The following ARNT2 variants were observed in gnomAD, a reference collection of about 807,000 sequenced individuals.
The protein encoded by ARNT2 is aryl hydrocarbon receptor nuclear translocator 2, also known as ARNT protein 2.
Under a neutral mutation model 91.7 loss-of-function variants are expected in ARNT2, and 36 were observed. The observed-to-expected ratio is 0.39, with a 90% CI of 0.30 to 0.52. ARNT2 has a LOEUF of 0.52. Among genes scored for constraint, ARNT2 ranks in the 20% least tolerant of loss-of-function variants. The probability of loss-of-function intolerance (pLI) is 0.72; values close to 1 mark genes in which losing one functional copy is unlikely to be tolerated. For missense variants in ARNT2, 775 were observed against 939.3 expected (o/e 0.83, Z 2.29); for synonymous variants, 365 against 347.1 (o/e 1.05, Z -0.57).
At chr15:80,411,904 C>G (rs989754304) in intron 1 of ARNT2, among the ~76,000 whole-genome samples, 1 of 152,206 alleles carries the variant, frequency 6.6e-6, no homozygotes, top group Admixed American at 6.5e-5. Context: ...AGGGTCTTCT[C>G]AGAAGGGAAG....
intron 1 of ARNT2, among the ~76,000 whole-genome samples, chr15:80,448,542 C>T (rs1000122301): frequency 3.3e-5 from 5 of 152,186 alleles, no homozygotes; most frequent in Non-Finnish European, 7.3e-5. Context: ...CCAAAACTAT[C>T]GGCATTTTTG....
intron 15 of ARNT2, among the ~76,000 whole-genome samples, chr15:80,577,985 G>T (rs192399505): frequency 6.6e-6 from 1 of 152,308 alleles, no homozygotes; most frequent in African/African-American, 2.4e-5. Context: ...ATCACCGCAG[G>T]TCACGCTGCT....
chr15:80,584,164 G>T (rs1183431222), intron 17 of ARNT2, among the ~76,000 whole-genome samples: 1 of 152,188 alleles, frequency 6.6e-6, no homozygotes, highest in Non-Finnish European at 1.5e-5. Context: ...GGGAGACCTC[G>T]AGGCGAGGGG....
intron 8 of ARNT2, among the ~76,000 whole-genome samples, chr15:80,548,304 A>T (rs547350675): frequency 6.6e-6 from 1 of 152,204 alleles, no homozygotes. Context: ...GTGTGCGTGC[A>T]TGTTATATCT....
intron 12 of ARNT2, among the ~76,000 whole-genome samples, chr15:80,569,672 G>T (rs1293487906): frequency 6.6e-6 from 1 of 152,240 alleles, no homozygotes; most frequent in Admixed American, 6.5e-5. Context: ...AGTGAAAGGA[G>T]CTTTTTCTGG....
chr15:80,490,181 G>C (rs1043056611), intron 5 of ARNT2, among the ~76,000 whole-genome samples: 2 of 152,188 alleles, frequency 1.3e-5, no homozygotes, highest in African/African-American at 2.4e-5. Flanking sequence ...TGATTCTGGG[G>C]AGTCTAGCTT....
chr15:80,470,079 A>C, intron 3 of ARNT2, 139 bp from the exon 4 acceptor site: 1 of 867,408 alleles, frequency 1.2e-6, no homozygotes, highest in Non-Finnish European at 1.8e-6. Context: ...CCCAATAGTC[A>C]TTCAAAGCAC....
At chr15:80,414,721 T>C (rs1287156210) in intron 1 of ARNT2, among the ~76,000 whole-genome samples, 1 of 151,806 alleles carries the variant, frequency 6.6e-6, no homozygotes, top group African/African-American at 2.4e-5. Flanking sequence ...CCCCAAAGAA[T>C]AAAATGAATG....
chr15:80,554,150 T>C (rs997873210), intron 10 of ARNT2, among the ~76,000 whole-genome samples: 2 of 152,256 alleles, frequency 1.3e-5, no homozygotes, highest in Non-Finnish European at 2.9e-5. Context: ...GGCTCATGCC[T>C]GTAATTCTAG....
At chr15:80,560,216 T>C (rs1359217594) in intron 11 of ARNT2, 3 of 152,430 alleles carry the variant, frequency 2.0e-5, no homozygotes, top group Non-Finnish European at 4.4e-5. Flanking sequence ...TATCTACACA[T>C]TGATCCTTCA....
chr15:80,475,148 C>G lies in ARNT2; in HGVS notation c.547C>G (p.Leu183Val). Reference sequence around the variant, plus strand: ...CCAGTCAGAGTGGTTTGGGAGCACACTGTATGAACAGGTGCATCCTGATGA... The same window carrying G: ...CCAGTCAGAGTGGTTTGGGAGCACAGTGTATGAACAGGTGCATCCTGATGA... The part of the protein sequence containing the change: ...QPQSEWFGST[L>V]YEQVHPDDVE... The change falls in exon 5 of 19, where the codon CTG becomes GTG. Residue 183 changes from leucine to valine, a missense_variant. Coordinates refer to ENST00000303329, the MANE Select transcript of ARNT2 (RefSeq NM_014862.4). 1.2e-6 allele frequency: 2 copies of G among 1,614,204 alleles called. No homozygotes were observed. The highest frequency in any genetic ancestry group is 1.3e-5 in the African/African-American group (1 of 75,056).
At chr15:80,580,115 AG>A (rs763990532) in intron 15 of ARNT2, 2 of 312,084 alleles carry the variant, frequency 6.4e-6, no homozygotes, top group East Asian at 1.1e-4. Context: ...GAGGATGTAC[AG>A]GCATAGGATA....
At chr15:80,583,852 A>C (rs776819005) in intron 17 of ARNT2, among the ~76,000 whole-genome samples, 8 of 152,224 alleles carry the variant, frequency 5.3e-5, no homozygotes, top group Non-Finnish European at 1.2e-4. Flanking sequence ...GGGACCTCAG[A>C]ATTAAGCAGG....
chr15:80,500,340 G>A (rs1376570640), intron 5 of ARNT2, among the ~76,000 whole-genome samples: 1 of 152,108 alleles, frequency 6.6e-6, no homozygotes, highest in African/African-American at 2.4e-5. Flanking sequence ...GTCCTTCATG[G>A]GGCCATCGTT....
At chr15:80,536,508 T>G (rs1897826066) in intron 8 of ARNT2, among the ~76,000 whole-genome samples, 2 of 152,174 alleles carry the variant, frequency 1.3e-5, no homozygotes, top group African/African-American at 4.8e-5. Context: ...AGGTACCCTT[T>G]TCGTATTGAC....
intron 6 of ARNT2, among the ~76,000 whole-genome samples, chr15:80,512,895 A>G (rs1428016110): frequency 6.6e-6 from 1 of 152,186 alleles, no homozygotes; most frequent in Admixed American, 6.5e-5. Flanking sequence ...CAGTGCTGCC[A>G]TCTACTGAGA....
intron 11 of ARNT2, among the ~76,000 whole-genome samples, chr15:80,560,853 T>G (rs1030305230): frequency 6.6e-6 from 1 of 152,168 alleles, no homozygotes; most frequent in African/African-American, 2.4e-5. Context: ...CCCTGTGGTG[T>G]CAGGGACAGC....
At chr15:80,537,588 C>G (rs1370854107) in intron 8 of ARNT2, among the ~76,000 whole-genome samples, 2 of 152,178 alleles carry the variant, frequency 1.3e-5, no homozygotes. Flanking sequence ...ATCTGTGATG[C>G]CTGCCATGGA....
At chr15:80,537,212 G>A (rs374415658) in intron 8 of ARNT2, among the ~76,000 whole-genome samples, 29 of 152,194 alleles carry the variant, frequency 1.9e-4, no homozygotes, top group South Asian at 8.3e-4. Context: ...CACTTCCTGC[G>A]TTGTATTATG....
Sources: allele counts gnomAD v4.1 joint callset (sites outside exome capture counted in the v4.1 genomes callset), GRCh38; gene constraint gnomAD v4.1.1; transcripts MANE v1.5; gene names NCBI Gene and HGNC (gene_info 2026-07-23, HGNC 2026-07-21).